Variants in KIAA2012 observed in about 807,000 individuals in gnomAD.
KIAA2012 encodes the protein uncharacterized protein KIAA2012.
KIAA2012 carries 125 observed loss-of-function variants against 150.6 expected under a neutral mutation model. The observed-to-expected ratio is 0.83, with a 90% confidence interval of 0.72 to 0.96. The LOEUF is 0.96. Ranked by LOEUF, KIAA2012 falls within the 40% of genes least tolerant of loss-of-function variation. The pLI is 0.00. For missense variants in KIAA2012, 1,219 were observed against 1,354.9 expected, an observed-to-expected ratio of 0.90 and a Z score of 1.57; for synonymous variants, 462 against 504.7, an observed-to-expected ratio of 0.92 and a Z score of 1.13.
intron 19 of KIAA2012, among the ~76,000 whole-genome samples, chr2:202,190,818 G>A (rs1692315936): frequency 6.6e-6 from 1 of 152,186 alleles, no homozygotes; most frequent in South Asian, 2.1e-4. Context: ...TACAGGGAAA[G>A]GTGGGTACTG....
chr2:202,187,154 G>A, intron 17 of KIAA2012, 56 bp downstream of exon 17: 1 of 1,527,102 alleles, frequency 6.5e-7, no homozygotes, highest in Non-Finnish European at 8.8e-7. Context: ...TCTCATCAAG[G>A]ATACCATGCA....
chr2:202,177,484 C>G (rs1016765672), intron 15 of KIAA2012, among the ~76,000 whole-genome samples: 17 of 152,156 alleles, frequency 1.1e-4, no homozygotes, highest in Non-Finnish European at 2.2e-4. Flanking sequence ...GATCAAGATG[C>G]AGGTTTCTTA....
intron 22 of KIAA2012, chr2:202,197,495 G>C (rs903828483): frequency 6.2e-6 from 1 of 161,312 alleles, no homozygotes; most frequent in African/African-American, 2.4e-5. Flanking sequence ...TTCTAGGGGT[G>C]GGAATGGAGA....
At chr2:202,123,525 G>C (rs909743549) in intron 11 of KIAA2012, among the ~76,000 whole-genome samples, 1 of 152,128 alleles carries the variant, frequency 6.6e-6, no homozygotes, top group Non-Finnish European at 1.5e-5. Context: ...CTCAGCCTCA[G>C]CTATCGGTGC....
chr2:202,121,758 C>T (rs1355306723), intron 11 of KIAA2012, among the ~76,000 whole-genome samples: 1 of 152,184 alleles, frequency 6.6e-6, no homozygotes, highest in Non-Finnish European at 1.5e-5. Flanking sequence ...GCAGTCACTG[C>T]CCTCAAGGAC....
chr2:202,098,608 A>G (rs1689956055), intron 5 of KIAA2012, among the ~76,000 whole-genome samples: 1 of 152,166 alleles, frequency 6.6e-6, no homozygotes, highest in African/African-American at 2.4e-5. Flanking sequence ...CCTTAGACTC[A>G]GAAAAGCCTT....
intron 11 of KIAA2012, among the ~76,000 whole-genome samples, chr2:202,119,412 C>G (rs1690606339): frequency 6.6e-6 from 1 of 151,922 alleles, no homozygotes; most frequent in South Asian, 2.1e-4. Context: ...TTTACAGAAC[C>G]TGTGAAGTTA....
Position 202,190,196 on chromosome 2 carries a change from T to A in KIAA2012, c.2514T>A (p.Ala838=). Residue 838 remains alanine (A), a synonymous_variant, in exon 19 of 24, where the codon GCT becomes GCA. Coordinates refer to ENST00000498697, the MANE Select transcript of KIAA2012 (RefSeq NM_001277372.4). ...AAIGKSKDSK[A]KKKLEKKTRP... ...CAGGAAAGTCAAAGGACTCAAAGGC[T>A]AAAAAAAAATTAGAAAAAAAAACAA... 6.7e-7 allele frequency: 1 copy of A among 1,496,208 alleles called. No individual in the cohort carries two copies. Among genetic ancestry groups the A allele is most frequent in the Non-Finnish European group, 8.9e-7 (1 of 1,124,332 alleles). The allele number at this position is 1,496,208 out of a possible 1,614,324, so 92.7% of individuals were successfully genotyped here.
intron 3 of KIAA2012, among the ~76,000 whole-genome samples, chr2:202,091,264 A>T (rs573670974): frequency 2.0e-5 from 3 of 152,210 alleles, no homozygotes; most frequent in Non-Finnish European, 4.4e-5. Flanking sequence ...TTTACAAGAT[A>T]AGGAAGAAGA....
intron 13 of KIAA2012, 27 bp downstream of exon 13, chr2:202,138,535 G>A: frequency 6.6e-7 from 1 of 1,503,936 alleles, no homozygotes; most frequent in Non-Finnish European, 9.0e-7. Flanking sequence ...GAATGAGGAT[G>A]ACACTAGGAG....
Position 202,196,873 on chromosome 2 carries a change from T to A in KIAA2012, c.3261T>A (p.Ala1087=). The change falls in exon 22 of 24, where the codon GCT becomes GCA. Residue 1087 remains alanine (A), a synonymous_variant. Transcript: ENST00000498697. ...AACAAAAACACCTGATGGAAATGGC[T>A]GAAGAGGAACGACTGGAGTACCAGC... ...EEEQKHLMEM[A]EEERLEYQRR... is the part of the protein sequence containing the mutation. 6.4e-7 allele frequency: 1 copy of A among 1,550,560 alleles called. No homozygotes were observed. The highest frequency in any genetic ancestry group is 8.7e-7 in the Non-Finnish European group (1 of 1,146,990).
rs185745663 is a variant in KIAA2012, at chr2:202,154,342, C to T, written c.1909-331C>T. On this transcript the variant is annotated intron_variant, in intron 13 of 23. Coordinates refer to ENST00000498697, the MANE Select transcript of KIAA2012 (RefSeq NM_001277372.4). ...GCAGCTAATGGCTTTGGGCAAGTTG[C>T]TTAACCTCCCAGAGCCTCCTGGTTT... Among the ~76,000 whole-genome samples, 20 of 152,344 alleles carry T rather than the reference C, an allele frequency of 1.3e-4. No individual in the cohort carries two copies. In the East Asian group the frequency reaches 3.1e-3, roughly 23 times the overall value.
chr2:202,196,288 A>G (rs968441765), intron 21 of KIAA2012, among the ~76,000 whole-genome samples: 11 of 133,774 alleles, frequency 8.2e-5, no homozygotes, highest in South Asian at 4.7e-4. Flanking sequence ...TCCGCCTCCC[A>G]GGTTCACGCC....
Position 202,092,927 on chromosome 2 carries a change from T to C in KIAA2012, c.530-103T>C, listed in dbSNP as rs571268450. 12 of 998,888 alleles carry C rather than the reference T, an allele frequency of 1.2e-5. No individual in the cohort carries two copies. In the South Asian group the frequency reaches 1.6e-4, roughly 13 times the overall value. 61.9% of individuals were successfully genotyped at this position (998,888 alleles called of 1,614,324 possible). A position where few individuals can be genotyped will look rare whatever the true frequency, so the allele number is the denominator to read the frequency against. On this transcript the variant is annotated intron_variant, in intron 3 of 23. Transcript: ENST00000498697. ...TAATTGTCTTCCCTAATGGGCAATG[T>C]CCAAAGCCAAGACTAGTGTAAGTGA...
chr2:202,085,104 T>A (rs1689531719), intron 2 of KIAA2012, among the ~76,000 whole-genome samples: 1 of 152,222 alleles, frequency 6.6e-6, no homozygotes, highest in South Asian at 2.1e-4. Context: ...GCCTTGGGCA[T>A]CCCTCAGTGC....
chr2:202,189,883 G>A (rs1254984553), intron 18 of KIAA2012, among the ~76,000 whole-genome samples: 3 of 152,004 alleles, frequency 2.0e-5, no homozygotes, highest in Non-Finnish European at 4.4e-5. Context: ...CTTGAGCTCA[G>A]GGATTTGAGA....
intron 22 of KIAA2012, chr2:202,197,224 A>G: frequency 1.2e-6 from 1 of 811,538 alleles, no homozygotes; most frequent in South Asian, 2.0e-5. Context: ...TAATGAATCT[A>G]CAAGGGAGTT....
intron 3 of KIAA2012, among the ~76,000 whole-genome samples, chr2:202,091,137 C>A (rs1190779409): frequency 6.6e-6 from 1 of 152,250 alleles, no homozygotes; most frequent in Admixed American, 6.5e-5. Context: ...GAAGAACGGC[C>A]TGAAGTCCTG....
At chr2:202,110,262 C>CAAGG (rs1169094617) in intron 10 of KIAA2012, among the ~76,000 whole-genome samples, 2 of 152,184 alleles carry the variant, frequency 1.3e-5, no homozygotes, top group African/African-American at 2.4e-5. Context: ...TGAGGCAGGG[C>CAAGG]AAGGCCATTC....
Sources: gnomAD v4.1 joint callset for allele counts (sites outside exome capture counted in the v4.1 genomes callset) on GRCh38, gnomAD v4.1.1 for gene constraint, MANE v1.5 for transcripts, NCBI Gene and HGNC (gene_info 2026-07-23, HGNC 2026-07-21) for gene names.